The following KIAA0513 variants were observed in gnomAD, a reference collection of about 807,000 sequenced individuals.
KIAA0513 encodes uncharacterized protein KIAA0513.
A neutral mutation model predicts 56.5 loss-of-function variants in KIAA0513; 39 were observed. The ratio of observed to expected loss-of-function variants is 0.69; its 90% CI spans 0.53 to 0.90. The LOEUF (loss-of-function observed/expected upper bound fraction) is 0.90. KIAA0513 is among the 40% of genes least tolerant of loss of function. The probability of loss-of-function intolerance (pLI) is 0.00; values close to 1 mark genes in which losing one functional copy is unlikely to be tolerated. For missense variants in KIAA0513, 591 were observed against 535.2 expected (o/e 1.10, Z -1.03); for synonymous variants, 268 against 215.6 (o/e 1.24, Z -2.13).
At chr16:85,055,953 T>C (rs2073323062) in intron 1 of KIAA0513, among the ~76,000 whole-genome samples, 1 of 152,224 alleles carries the variant, frequency 6.6e-6, no homozygotes, top group African/African-American at 2.4e-5. Context: ...CTGTGCTTTT[T>C]CTTTCCCTCC....
intron 1 of KIAA0513, among the ~76,000 whole-genome samples, chr16:85,065,288 C>T (rs1415024678): frequency 1.4e-4 from 21 of 152,182 alleles, no homozygotes; most frequent in Admixed American, 1.2e-3. Flanking sequence ...GCGCCCTGGC[C>T]GGGGACGCAG....
Position 85,076,555 on chromosome 16 carries a change from G to A in KIAA0513, c.574+641G>A, listed in dbSNP as rs879383148. Among the ~76,000 whole-genome samples the A allele has an allele frequency of 1.3e-5, 2 of 152,148 alleles. No homozygotes were observed. Among genetic ancestry groups the A allele is most frequent in the African/African-American group, 2.4e-5 (1 of 41,430 alleles). On this transcript the variant is annotated intron_variant, in intron 5 of 12. Transcript: ENST00000683363. The surrounding 1 kb of genome is among the most constrained non-coding windows in gnomAD (Gnocchi z 4.7). ...AAGCCTCCTCGTGGACTGGAGCTAG[G>A]TCAGGGAGGTGCTAGGCCCTGGTCC...
intron 1 of KIAA0513, among the ~76,000 whole-genome samples, chr16:85,060,802 C>T (rs1026918874): frequency 1.3e-5 from 2 of 151,150 alleles, no homozygotes; most frequent in East Asian, 1.9e-4. Context: ...CAAGATTGCA[C>T]CACTCTACTT....
At chr16:85,036,910 C>T (rs530977485) in intron 1 of KIAA0513, among the ~76,000 whole-genome samples, 3 of 152,176 alleles carry the variant, frequency 2.0e-5, no homozygotes, top group South Asian at 2.1e-4. Context: ...AGAGGAAGAA[C>T]CTGACTTGAG....
Position 85,081,117 on chromosome 16 carries a change from G to A in KIAA0513, c.903-198G>A, listed in dbSNP as rs1427954556. ...CATCTCTCCTAAGAGATACGCAGCC[G>A]CTGGGAGCCCCAGGGAAACAGCTGT... On this transcript the variant is annotated intron_variant, in intron 8 of 12. Transcript: ENST00000683363. This position sits in a 1 kb window ranked among gnomAD's most constrained non-coding sequence, Gnocchi z 4.4. Among the ~76,000 whole-genome samples, 4 of 152,192 alleles carry A rather than the reference G, an allele frequency of 2.6e-5. No individual in the cohort carries two copies. Among genetic ancestry groups the A allele is most frequent in the African/African-American group, 4.8e-5 (2 of 41,446 alleles).
chr16:85,077,049 C>G (rs957555235), intron 5 of KIAA0513, among the ~76,000 whole-genome samples: 19 of 152,282 alleles, frequency 1.2e-4, no homozygotes, highest in African/African-American at 4.6e-4. Flanking sequence ...GGTGTCTCCA[C>G]ACTCCCATTC....
chr16:85,036,849 G>C (rs1364366399), intron 1 of KIAA0513, among the ~76,000 whole-genome samples: 6 of 152,190 alleles, frequency 3.9e-5, no homozygotes, highest in Non-Finnish European at 5.9e-5. Context: ...ATAGCTCCCA[G>C]AAGGAAAGCC....
At position 85,078,916 on chromosome 16, in the gene KIAA0513, C is replaced by T. The variant is rs1465751571; in HGVS notation, c.824-9C>T. 3.7e-6 allele frequency: 6 copies of T among 1,613,998 alleles called. No homozygotes were observed. In the South Asian group the frequency reaches 4.4e-5, roughly 12 times the overall value. On this transcript the variant is annotated splice_polypyrimidine_tract_variant and intron_variant, in intron 7 of 12. Coordinates refer to ENST00000683363, the MANE Select transcript of KIAA0513 (RefSeq NM_001388359.1). ...GAGCTGCTTTCAGCCATTCTCTCTC[C>T]TCCCACAGTGACCGCGTACAGCCCC...
intron 1 of KIAA0513, among the ~76,000 whole-genome samples, chr16:85,047,518 T>A (rs1166551718): frequency 6.6e-6 from 1 of 151,446 alleles, no homozygotes; most frequent in Admixed American, 6.6e-5. Flanking sequence ...AGCCAGCGGG[T>A]TTTTCACCCT....
chr16:85,067,174 G>T lies in KIAA0513; in HGVS notation c.103G>T (p.Asp35Tyr). 1 of 1,614,170 alleles carries T rather than the reference G, an allele frequency of 6.2e-7. No homozygotes were observed. Among genetic ancestry groups the T allele is most frequent in the Non-Finnish European group, 8.5e-7 (1 of 1,180,016 alleles). ...EAPPPVLQDGDGSLGDGASES... is the reference protein window; with the variant it reads ...EAPPPVLQDGYGSLGDGASES... Reference sequence around the variant, plus strand: ...ACCACCCCCTGTGCTGCAGGACGGCGATGGCTCCCTGGGGGACGGTGCATC... The same window carrying T: ...ACCACCCCCTGTGCTGCAGGACGGCTATGGCTCCCTGGGGGACGGTGCATC... The change falls in exon 2 of 13, where the codon GAT (aspartate) becomes TAT (tyrosine). Residue 35 changes from aspartate (D) to tyrosine (Y), a missense_variant. Transcript: ENST00000683363.
At chr16:85,040,969 A>C (rs1032564259) in intron 1 of KIAA0513, among the ~76,000 whole-genome samples, 2 of 152,232 alleles carry the variant, frequency 1.3e-5, no homozygotes, top group Non-Finnish European at 2.9e-5. Flanking sequence ...CACCATTTCC[A>C]GGCTCCTCAA....
At chr16:85,077,712 G>A (rs945034382) in intron 6 of KIAA0513, 80 bp downstream of exon 6, 6 of 1,054,754 alleles carry the variant, frequency 5.7e-6, no homozygotes, top group African/African-American at 3.3e-5. Flanking sequence ...GGGCAGCAGG[G>A]AGGGTGCGGG....
intron 1 of KIAA0513, among the ~76,000 whole-genome samples, chr16:85,051,451 C>A (rs547244341): frequency 6.6e-6 from 1 of 152,300 alleles, no homozygotes; most frequent in South Asian, 2.1e-4. Flanking sequence ...GGTTCAATGG[C>A]CTCTCCCTGT....
chr16:85,057,048 A>G lies in KIAA0513; in HGVS notation c.-172-9852A>G, dbSNP rs2073340180. On this transcript the variant is annotated intron_variant, in intron 1 of 12. Transcript: ENST00000683363. ...TTCCTACTGGGTGTACAGTGTCTGA[A>G]GACTGAGTCTGTCAGTTGTTCTTGT... Among the ~76,000 whole-genome samples the G allele has an allele frequency of 1.3e-5, 2 of 152,154 alleles. 1 individual carries two copies. Among genetic ancestry groups the G allele is most frequent in the South Asian group, 4.1e-4 (2 of 4,826 alleles).
At chr16:85,080,150 G>C (rs1425609267) in intron 8 of KIAA0513, among the ~76,000 whole-genome samples, 2 of 142,422 alleles carry the variant, frequency 1.4e-5, no homozygotes, top group African/African-American at 2.6e-5. Context: ...GGCCCTTGAG[G>C]AGGCTGGACC....
At chr16:85,042,131 G>A (rs1455139464) in intron 1 of KIAA0513, among the ~76,000 whole-genome samples, 1 of 152,138 alleles carries the variant, frequency 6.6e-6, no homozygotes, top group African/African-American at 2.4e-5. Flanking sequence ...TATAATTATT[G>A]TAATAACATT....
intron 4 of KIAA0513, among the ~76,000 whole-genome samples, chr16:85,075,007 TG>T (rs1185427782): frequency 6.6e-6 from 1 of 151,982 alleles, no homozygotes; most frequent in East Asian, 1.9e-4. Context: ...TGCCATCACT[TG>T]GTCCCTGAGC....
intron 1 of KIAA0513, among the ~76,000 whole-genome samples, chr16:85,032,771 C>T (rs1428111093): frequency 6.6e-6 from 1 of 152,138 alleles, no homozygotes; most frequent in East Asian, 1.9e-4. Flanking sequence ...GCTGGGACTA[C>T]AAGTGCCTGC....
At chr16:85,047,736 T>C (rs1216478909) in intron 1 of KIAA0513, among the ~76,000 whole-genome samples, 1 of 152,080 alleles carries the variant, frequency 6.6e-6, no homozygotes, top group Non-Finnish European at 1.5e-5. Context: ...CCTTTCCTGT[T>C]ACTAGATGCT....
Sources: gnomAD v4.1 joint callset for allele counts (sites outside exome capture counted in the v4.1 genomes callset) on GRCh38, gnomAD v4.1.1 for gene constraint, Gnocchi (gnomAD v3.1) non-coding constraint, MANE v1.5 for transcripts, NCBI Gene and HGNC (gene_info 2026-07-23, HGNC 2026-07-21) for gene names.